Variants in LRP12 observed in about 807,000 individuals in gnomAD.
LRP12 encodes LDL receptor related protein 12, also known as low-density lipoprotein receptor-related protein 12.
A neutral mutation model predicts 66.0 loss-of-function variants in LRP12; 14 were observed. That is an observed-to-expected ratio of 0.21 (90% confidence interval 0.14 to 0.33). The LOEUF (loss-of-function observed/expected upper bound fraction) is 0.33, where lower values mean the gene tolerates loss of function less well. LRP12 is among the 10% of genes least tolerant of loss of function. LRP12 has a pLI of 1.00. For missense variants in LRP12, 889 were observed against 1,053.4 expected, an observed-to-expected ratio of 0.84 and a Z score of 2.16; for synonymous variants, 357 against 359.1, an observed-to-expected ratio of 0.99 and a Z score of 0.07.
intron 5 of LRP12, chr8:104,495,551 C>G (rs933173784): frequency 2.4e-5 from 4 of 168,472 alleles, no homozygotes; most frequent in African/African-American, 9.5e-5. Context: ...GCCACTGCGC[C>G]CAGCTGGGAT....
chr8:104,526,827 C>A (rs1279304630), intron 2 of LRP12, among the ~76,000 whole-genome samples: 1 of 144,242 alleles, frequency 6.9e-6, no homozygotes, highest in Non-Finnish European at 1.5e-5. Flanking sequence ...CCAAAATTGA[C>A]AAATGGGATC....
Position 104,588,970 on chromosome 8 carries a change from A to ACGCCACCGC in LRP12, c.-74_-73insGCGGTGGCG. Reference sequence around the variant, plus strand: ...GAGAAGCTGGAGGTAGACGACGCCGACGCCGCCGCCGCCGCCGCCGCCGCC... The same window carrying ACGCCACCGC: ...GAGAAGCTGGAGGTAGACGACGCCGACGCCACCGCCGCCGCCGCCGCCGCCGCCGCCGCC... On this transcript the variant is annotated 5_prime_UTR_variant, in exon 1 of 7. Transcript: ENST00000276654. 1.7e-6 allele frequency: 1 copy of ACGCCACCGC among 600,562 alleles called. No individual in the cohort carries two copies. 37.2% of individuals were successfully genotyped at this position (600,562 alleles called of 1,614,324 possible). A position where few individuals can be genotyped will look rare whatever the true frequency, so the allele number is the denominator to read the frequency against.
chr8:104,509,804 T>C (rs1007906921), intron 2 of LRP12, among the ~76,000 whole-genome samples: 3 of 152,222 alleles, frequency 2.0e-5, no homozygotes, highest in African/African-American at 7.2e-5. Context: ...CTAGTTTTGC[T>C]GTGATACCTC....
intron 1 of LRP12, among the ~76,000 whole-genome samples, chr8:104,547,792 A>G (rs1268208869): frequency 2.3e-5 from 3 of 128,980 alleles, no homozygotes; most frequent in Admixed American, 1.7e-4. Context: ...TATAATATAT[A>G]ATTATATATT....
chr8:104,499,652 C>T (rs1019503903), intron 3 of LRP12, 133 bp from the exon 4 acceptor site: 16 of 574,682 alleles, frequency 2.8e-5, no homozygotes, highest in East Asian at 2.6e-4. Context: ...GGCATACAAC[C>T]GTATCATTAG....
intron 1 of LRP12, among the ~76,000 whole-genome samples, chr8:104,547,689 A>G (rs1287401402): frequency 7.9e-6 from 1 of 126,814 alleles, no homozygotes; most frequent in African/African-American, 3.0e-5. Context: ...TGTATAATAT[A>G]AAATCATATA....
chr8:104,547,317 CTGTTA>C (rs1811588776), intron 1 of LRP12, among the ~76,000 whole-genome samples: 1 of 126,828 alleles, frequency 7.9e-6, no homozygotes, highest in South Asian at 2.6e-4. Flanking sequence ...ATATACAATT[CTGTTA>C]TATTTTGTAT....
At position 104,497,281 on chromosome 8, in the gene LRP12, C is replaced by A. The variant is rs1425373136; in HGVS notation, c.1271G>T (p.Gly424Val). 1.2e-6 allele frequency: 2 copies of A among 1,614,152 alleles called. No homozygotes were observed. Among genetic ancestry groups the A allele is most frequent in the Non-Finnish European group, 1.7e-6 (2 of 1,180,012 alleles). The change falls in exon 5 of 7, where the codon GGT becomes GTT. Residue 424 changes from glycine to valine, a missense_variant. Transcript: ENST00000276654. The surrounding 1 kb of genome is among the most constrained non-coding windows in gnomAD (Gnocchi z 4.3). ...QKEEFPCSRN[G>V]VCYPRSDRCN... Reference sequence around the variant, plus strand: ...GCGATCAGAACGAGGATAACAGACACCATTTCGGGAACATGGAAATTCTTC... The same window carrying A: ...GCGATCAGAACGAGGATAACAGACAACATTTCGGGAACATGGAAATTCTTC...
At position 104,589,093 on chromosome 8, in the gene LRP12, C is replaced by T; in HGVS notation, c.-196G>A. 1 of 264,816 alleles carries T rather than the reference C, an allele frequency of 3.8e-6. No homozygotes were observed. Among genetic ancestry groups the T allele is most frequent in the Non-Finnish European group, 7.0e-6 (1 of 142,378 alleles). 16.4% of individuals were successfully genotyped at this position (264,816 alleles called of 1,614,324 possible). A position where few individuals can be genotyped will look rare whatever the true frequency, so the allele number is the denominator to read the frequency against. On this transcript the variant is annotated 5_prime_UTR_variant, in exon 1 of 7. Coordinates refer to ENST00000276654, the MANE Select transcript of LRP12 (RefSeq NM_013437.5). ...GCGCGCTCCCTCCTCCCTCCTCCCT[C>T]CGGCTCGCCTGCTCCCACCCCGGGC...
At chr8:104,491,610 C>T in intron 6 of LRP12, 71 bp from the exon 7 acceptor site, 1 of 1,001,596 alleles carries the variant, frequency 1.0e-6, no homozygotes. Flanking sequence ...AAAAAACACC[C>T]TTCTATTAAG....
At chr8:104,561,475 T>A (rs1031897085) in intron 1 of LRP12, among the ~76,000 whole-genome samples, 1 of 152,190 alleles carries the variant, frequency 6.6e-6, no homozygotes. Flanking sequence ...TTCATTAGGG[T>A]TGGCAAAATG....
intron 1 of LRP12, among the ~76,000 whole-genome samples, chr8:104,579,906 T>G (rs188258155): frequency 6.6e-6 from 1 of 152,132 alleles, no homozygotes; most frequent in Non-Finnish European, 1.5e-5. Context: ...GACCCCTCCT[T>G]ACACCATATA....
chr8:104,532,016 T>C, intron 1 of LRP12, 53 bp from the exon 2 acceptor site: 1 of 1,162,412 alleles, frequency 8.6e-7, no homozygotes, highest in Non-Finnish European at 1.2e-6. Flanking sequence ...TTACAAAATT[T>C]TTTCAGATCC....
chr8:104,493,765 G>C (rs189542409), intron 6 of LRP12, among the ~76,000 whole-genome samples: 2 of 152,310 alleles, frequency 1.3e-5, no homozygotes, highest in Non-Finnish European at 2.9e-5. Flanking sequence ...GAGCTTTCCT[G>C]ATTGGTAACA....
intron 1 of LRP12, among the ~76,000 whole-genome samples, chr8:104,576,083 T>C (rs1236923653): frequency 1.3e-5 from 2 of 151,870 alleles, no homozygotes. Context: ...AAAGAATGAA[T>C]AGGAACAAAC....
In LRP12 at chr8:104,589,126, G is replaced by A. The variant is rs1812394866; in HGVS notation, c.-229C>T. ...CCTGCTCCCACCCCGGGCGGTGCGAGAGCCCCACGCGGGGCGGCCCTCCTG... is the reference window on the plus strand; with the variant it reads ...CCTGCTCCCACCCCGGGCGGTGCGAAAGCCCCACGCGGGGCGGCCCTCCTG... On this transcript the variant is annotated 5_prime_UTR_variant, in exon 1 of 7. Coordinates refer to ENST00000276654, the MANE Select transcript of LRP12 (RefSeq NM_013437.5). 1 of 209,826 alleles carries A rather than the reference G, an allele frequency of 4.8e-6. No homozygotes were observed. The highest frequency in any genetic ancestry group is 6.1e-5 in the Admixed American group (1 of 16,484). The allele number at this position is 209,826 out of a possible 1,614,324, so 13.0% of individuals were successfully genotyped here.
At chr8:104,580,513 G>C (rs1812233885) in intron 1 of LRP12, among the ~76,000 whole-genome samples, 1 of 151,386 alleles carries the variant, frequency 6.6e-6, no homozygotes, top group Admixed American at 6.6e-5. Context: ...CTGGGCGACA[G>C]AGCAAGACTC....
intron 2 of LRP12, among the ~76,000 whole-genome samples, chr8:104,514,715 A>G (rs1379643696): frequency 1.3e-5 from 2 of 152,066 alleles, no homozygotes; most frequent in Non-Finnish European, 2.9e-5. Flanking sequence ...AAGAAAAACA[A>G]AAAAACCAAG....
At chr8:104,503,530 G>A (rs979498323) in intron 3 of LRP12, among the ~76,000 whole-genome samples, 1 of 151,892 alleles carries the variant, frequency 6.6e-6, no homozygotes, top group Non-Finnish European at 1.5e-5. Flanking sequence ...TGACATATTT[G>A]TGCTCTGTGC....
Sources: gnomAD v4.1 joint callset for allele counts (sites outside exome capture counted in the v4.1 genomes callset) on GRCh38, gnomAD v4.1.1 for gene constraint, Gnocchi (gnomAD v3.1) non-coding constraint, MANE v1.5 for transcripts, NCBI Gene and HGNC (gene_info 2026-07-23, HGNC 2026-07-21) for gene names.